The following PTPN1 variants were observed in gnomAD, a reference collection of about 807,000 sequenced individuals.
The protein encoded by PTPN1 is tyrosine-protein phosphatase non-receptor type 1.
PTPN1 carries 12 observed loss-of-function variants against 59.9 expected under a neutral mutation model. That is an observed-to-expected ratio of 0.20 (90% CI 0.13 to 0.32). PTPN1 has a LOEUF of 0.32. Ranked by LOEUF, PTPN1 falls within the 10% of genes least tolerant of loss-of-function variation. The pLI is 1.00. For missense variants in PTPN1, 356 were observed against 549.2 expected (o/e 0.65, Z 3.52); for synonymous variants, 178 against 203.6 (o/e 0.87, Z 1.07).
chr20:50,529,935 C>T (rs1387143102), intron 1 of PTPN1, among the ~76,000 whole-genome samples: 2 of 152,074 alleles, frequency 1.3e-5, no homozygotes, highest in East Asian at 3.9e-4. Flanking sequence ...AGTGCAGTGG[C>T]TCAATCTCGG....
At chr20:50,577,029 C>T (rs2082840238) in intron 5 of PTPN1, among the ~76,000 whole-genome samples, 1 of 152,070 alleles carries the variant, frequency 6.6e-6, no homozygotes, top group South Asian at 2.1e-4. Flanking sequence ...ATGGAATTGC[C>T]TAGTGTGAGT....
At chr20:50,567,117 G>A (rs1196367477) in intron 3 of PTPN1, among the ~76,000 whole-genome samples, 10 of 152,172 alleles carry the variant, frequency 6.6e-5, no homozygotes, top group African/African-American at 2.4e-4. Flanking sequence ...GACTTAAAGG[G>A]AGAAGATTTA....
intron 1 of PTPN1, among the ~76,000 whole-genome samples, chr20:50,556,806 A>T (rs1434534666): frequency 1.3e-5 from 2 of 152,124 alleles, no homozygotes; most frequent in Non-Finnish European, 2.9e-5. Context: ...TTAGCTGGGC[A>T]TGGTGGTGCA....
intron 3 of PTPN1, among the ~76,000 whole-genome samples, chr20:50,567,767 C>T (rs760146383): frequency 1.1e-4 from 16 of 152,254 alleles, no homozygotes; most frequent in Middle Eastern, 3.4e-3. Context: ...GGCTGTCTGC[C>T]GTCAGGGTCC....
chr20:50,543,078 G>A (rs1252124799), intron 1 of PTPN1, among the ~76,000 whole-genome samples: 2 of 152,184 alleles, frequency 1.3e-5, no homozygotes, highest in African/African-American at 4.8e-5. Flanking sequence ...GAGTTTAGAA[G>A]TCAGATAACT....
chr20:50,521,254 T>TA (rs961052378), intron 1 of PTPN1, among the ~76,000 whole-genome samples: 2 of 152,222 alleles, frequency 1.3e-5, no homozygotes, highest in African/African-American at 2.4e-5. Flanking sequence ...GTAATTGGAC[T>TA]AAAAAATCTT....
intron 1 of PTPN1, among the ~76,000 whole-genome samples, chr20:50,550,777 C>T (rs539612396): frequency 9.2e-5 from 14 of 152,250 alleles, no homozygotes; most frequent in Admixed American, 2.0e-4. Flanking sequence ...TCTTCTCAGA[C>T]TCCTGGCTGC....
At chr20:50,538,754 CTGT>C (rs1480893030) in intron 1 of PTPN1, among the ~76,000 whole-genome samples, 2 of 152,106 alleles carry the variant, frequency 1.3e-5, no homozygotes, top group Admixed American at 6.6e-5. Flanking sequence ...CAGTGTTTGG[CTGT>C]TGTTGTGATT....
At chr20:50,575,487 A>G (rs2082832362) in intron 5 of PTPN1, among the ~76,000 whole-genome samples, 2 of 152,136 alleles carry the variant, frequency 1.3e-5, no homozygotes, top group Non-Finnish European at 2.9e-5. Context: ...GCTTTATCTG[A>G]AGGGAAGGTG....
At chr20:50,526,435 C>G (rs1324713428) in intron 1 of PTPN1, among the ~76,000 whole-genome samples, 1 of 152,064 alleles carries the variant, frequency 6.6e-6, no homozygotes, top group Non-Finnish European at 1.5e-5. Context: ...CTTAGTTTAC[C>G]TGGCTCACAA....
At chr20:50,541,877 C>T (rs2082654516) in intron 1 of PTPN1, among the ~76,000 whole-genome samples, 1 of 152,168 alleles carries the variant, frequency 6.6e-6, no homozygotes, top group Non-Finnish European at 1.5e-5. Flanking sequence ...TGGAAGCTTC[C>T]TCTTTCCTTT....
intron 1 of PTPN1, among the ~76,000 whole-genome samples, chr20:50,526,352 A>G (rs2082575474): frequency 6.6e-6 from 1 of 152,068 alleles, no homozygotes; most frequent in Non-Finnish European, 1.5e-5. Flanking sequence ...AAATGCTGGG[A>G]TTACAGGTGT....
At chr20:50,575,250 A>G (rs1464334505) in intron 5 of PTPN1, among the ~76,000 whole-genome samples, 1 of 152,178 alleles carries the variant, frequency 6.6e-6, no homozygotes, top group Non-Finnish European at 1.5e-5. Flanking sequence ...GGGGGTGTTC[A>G]TGTCATTCTG....
In PTPN1 at chr20:50,582,884, C is replaced by G. The variant is rs1285464641; in HGVS notation, c.*169C>G. ...AAACCCATCTTCCCCGGATGTGTGT[C>G]TCACCCCTCATCCTTTTACTTTTTG... On this transcript the variant is annotated 3_prime_UTR_variant, in exon 10 of 10. Transcript: ENST00000371621. The surrounding 1 kb of genome is among the most constrained non-coding windows in gnomAD (Gnocchi z 4.2). The G allele has an allele frequency of 1.4e-6, 1 of 718,478 alleles. No individual in the cohort carries two copies. Among genetic ancestry groups the G allele is most frequent in the African/African-American group, 1.8e-5 (1 of 56,878 alleles). The allele number at this position is 718,478 out of a possible 1,614,324, so 44.5% of individuals were successfully genotyped here. A position where few individuals can be genotyped will look rare whatever the true frequency, so the allele number is the denominator to read the frequency against.
At chr20:50,543,955 C>T (rs544854021) in intron 1 of PTPN1, among the ~76,000 whole-genome samples, 6 of 152,224 alleles carry the variant, frequency 3.9e-5, no homozygotes, top group African/African-American at 1.4e-4. Context: ...AAGCAATTCT[C>T]CTGCCTCAGC....
chr20:50,518,376 G>C (rs1165286065), intron 1 of PTPN1, among the ~76,000 whole-genome samples: 1 of 152,200 alleles, frequency 6.6e-6, no homozygotes, highest in Non-Finnish European at 1.5e-5. Flanking sequence ...TAAGCAAACT[G>C]CATTTAGCAT....
chr20:50,575,711 G>A (rs528372292), intron 5 of PTPN1, among the ~76,000 whole-genome samples: 26 of 152,290 alleles, frequency 1.7e-4, no homozygotes, highest in Middle Eastern at 3.4e-3. Context: ...GATCACTCGA[G>A]GCCAGGAGTT....
chr20:50,529,016 G>A (rs942904661), intron 1 of PTPN1, among the ~76,000 whole-genome samples: 21 of 152,114 alleles, frequency 1.4e-4, no homozygotes, highest in African/African-American at 4.8e-4. Flanking sequence ...ATGCTTGGTG[G>A]CTCCCTCATG....
intron 1 of PTPN1, among the ~76,000 whole-genome samples, chr20:50,539,750 G>A (rs1045016689): frequency 5.3e-5 from 8 of 150,306 alleles, no homozygotes; most frequent in Non-Finnish European, 7.4e-5. Flanking sequence ...GAACTCCTGG[G>A]CTTGAGGAAC....
Sources: gnomAD v4.1 joint callset for allele counts (sites outside exome capture counted in the v4.1 genomes callset) on GRCh38, gnomAD v4.1.1 for gene constraint, Gnocchi (gnomAD v3.1) non-coding constraint, MANE v1.5 for transcripts, NCBI Gene and HGNC (gene_info 2026-07-23, HGNC 2026-07-21) for gene names.